The following LRRC49 variants were observed in gnomAD, a reference collection of about 807,000 sequenced individuals.
LRRC49 encodes the protein leucine-rich repeat-containing protein 49.
In LRRC49, 50 loss-of-function variants were observed where a neutral mutation model predicts 83.3. The observed-to-expected ratio is 0.60, with a 90% CI of 0.48 to 0.76. LRRC49 has a LOEUF of 0.76. LRRC49 is among the 30% of genes least tolerant of loss of function. LRRC49 has a pLI of 0.00. For synonymous variants in LRRC49, 286 were observed against 283.3 expected, an observed-to-expected ratio of 1.01 and a Z score of -0.10; for missense variants, 704 against 809.1, an observed-to-expected ratio of 0.87 and a Z score of 1.58.
At chr15:71,004,040 A>T (rs1278418026) in intron 11 of LRRC49, among the ~76,000 whole-genome samples, 1 of 152,214 alleles carries the variant, frequency 6.6e-6, no homozygotes. Flanking sequence ...TAACACCAGT[A>T]CCTAGATCCA....
chr15:70,854,341 G>A (rs2032593846), intron 1 of LRRC49, among the ~76,000 whole-genome samples: 1 of 152,056 alleles, frequency 6.6e-6, no homozygotes, highest in Non-Finnish European at 1.5e-5. Flanking sequence ...GAGCTCCTCC[G>A]ACGGAGGCCC....
chr15:70,941,847 CA>C (rs2141166040), intron 8 of LRRC49, among the ~76,000 whole-genome samples: 2 of 152,148 alleles, frequency 1.3e-5, no homozygotes, highest in East Asian at 3.9e-4. Flanking sequence ...TTAATCTTTG[CA>C]AAATTGTAAT....
intron 6 of LRRC49, among the ~76,000 whole-genome samples, chr15:70,915,368 A>G (rs957714864): frequency 2.6e-5 from 4 of 152,208 alleles, no homozygotes; most frequent in African/African-American, 9.7e-5. Flanking sequence ...GTAGTTTTCT[A>G]AAAGAAATGT....
At chr15:70,867,349 T>G (rs573150218) in intron 1 of LRRC49, among the ~76,000 whole-genome samples, 1 of 152,292 alleles carries the variant, frequency 6.6e-6, no homozygotes, top group East Asian at 1.9e-4. Context: ...GTTTTTTTCT[T>G]CTGAGCATCA....
intron 15 of LRRC49, among the ~76,000 whole-genome samples, chr15:71,044,039 T>C (rs941016669): frequency 2.0e-5 from 3 of 152,226 alleles, no homozygotes; most frequent in African/African-American, 7.2e-5. Flanking sequence ...AAAATATTGC[T>C]CATTTTAGTT....
At chr15:70,958,842 A>G (rs1022620531) in intron 8 of LRRC49, among the ~76,000 whole-genome samples, 5 of 152,214 alleles carry the variant, frequency 3.3e-5, no homozygotes, top group Non-Finnish European at 7.3e-5. Context: ...ATAGCAGGGT[A>G]TCTTTTTACC....
At chr15:70,916,525 C>T (rs1473000615) in intron 6 of LRRC49, among the ~76,000 whole-genome samples, 59 of 152,186 alleles carry the variant, frequency 3.9e-4, no homozygotes, top group Non-Finnish European at 1.6e-4. Context: ...AAACTCCTGA[C>T]CTCAAGTGAT....
chr15:70,869,560 G>A, intron 1 of LRRC49, among the ~76,000 whole-genome samples: 1 of 152,108 alleles, frequency 6.6e-6, no homozygotes, highest in East Asian at 1.9e-4. Context: ...GGGCTGGTGG[G>A]CATTTTAGGC....
chr15:70,920,574 G>C (rs1391641409), intron 7 of LRRC49, among the ~76,000 whole-genome samples: 15 of 152,192 alleles, frequency 9.9e-5, no homozygotes, highest in Non-Finnish European at 1.3e-4. Context: ...GTAGGGAACA[G>C]GAATCTATTG....
chr15:70,865,335 C>G (rs1209282755), intron 1 of LRRC49, among the ~76,000 whole-genome samples: 2 of 149,310 alleles, frequency 1.3e-5, no homozygotes, highest in Admixed American at 6.9e-5. Flanking sequence ...CTTTTTTCAC[C>G]TCTCAGTACT....
chr15:70,874,439 T>C (rs2033111731), intron 2 of LRRC49, among the ~76,000 whole-genome samples: 1 of 152,156 alleles, frequency 6.6e-6, no homozygotes, highest in South Asian at 2.1e-4. Flanking sequence ...AGCAATCAAA[T>C]TGATAATTTG....
chr15:70,974,233 G>A (rs116550207), intron 9 of LRRC49, among the ~76,000 whole-genome samples: 2,190 of 152,318 alleles, frequency 0.014, 50 homozygotes, highest in African/African-American at 0.049. Flanking sequence ...TGCCAGAAAA[G>A]AATTAGTTTC....
At chr15:71,036,153 G>T (rs1217268805) in intron 14 of LRRC49, among the ~76,000 whole-genome samples, 1 of 152,142 alleles carries the variant, frequency 6.6e-6, no homozygotes, top group Non-Finnish European at 1.5e-5. Context: ...TTTAAGAAGT[G>T]TTTGTTATAT....
upstream of LRRC49, chr15:70,892,635 A>T: frequency 6.9e-7 from 1 of 1,448,972 alleles, no homozygotes; most frequent in African/African-American, 1.4e-5. Flanking sequence ...TCCTCCTCCC[A>T]ATACTCCCGC....
chr15:70,930,747 C>T (rs1349756476), intron 7 of LRRC49, among the ~76,000 whole-genome samples: 2 of 152,180 alleles, frequency 1.3e-5, no homozygotes, highest in African/African-American at 4.8e-5. Context: ...TCAGCACTTG[C>T]TGCTACTTCA....
chr15:70,893,274 C>A, intron 1 of LRRC49: 1 of 553,418 alleles, frequency 1.8e-6, no homozygotes, highest in African/African-American at 1.9e-5. Flanking sequence ...ATTAGGGACT[C>A]CCACCTCCTT....
intron 7 of LRRC49, among the ~76,000 whole-genome samples, chr15:70,932,815 C>T (rs945286373): frequency 3.3e-5 from 5 of 150,708 alleles, no homozygotes; most frequent in Admixed American, 6.6e-5. Context: ...CTGCAACCTC[C>T]GCCTCCCTCG....
chr15:71,037,060 A>G, intron 14 of LRRC49, 119 bp from the exon 15 acceptor site: 1 of 652,730 alleles, frequency 1.5e-6, no homozygotes, highest in East Asian at 3.0e-5. Flanking sequence ...CATAAACTCA[A>G]ACTCATTAAA....
intron 8 of LRRC49, among the ~76,000 whole-genome samples, chr15:70,938,987 A>C (rs139122195): frequency 6.6e-5 from 10 of 152,298 alleles, no homozygotes; most frequent in African/African-American, 2.4e-4. Context: ...TGTTGCATAA[A>C]AATTTTCCAG....
Sources: gnomAD v4.1 joint callset for allele counts (sites outside exome capture counted in the v4.1 genomes callset) on GRCh38, gnomAD v4.1.1 for gene constraint, MANE v1.5 for transcripts, NCBI Gene and HGNC (gene_info 2026-07-23, HGNC 2026-07-21) for gene names.